Variants in ARMC2 observed in about 807,000 individuals in gnomAD.
ARMC2 encodes armadillo repeat-containing protein 2.
Under a neutral mutation model 90.3 loss-of-function variants are expected in ARMC2, and 67 were observed. That is an observed-to-expected ratio of 0.74 (90% CI 0.61 to 0.91). The LOEUF (loss-of-function observed/expected upper bound fraction) is 0.91. Among genes scored for constraint, ARMC2 ranks in the 40% least tolerant of loss-of-function variants. The probability of loss-of-function intolerance (pLI) is 0.00; values close to 1 mark genes in which losing one functional copy is unlikely to be tolerated. For missense variants in ARMC2, 920 were observed against 1,030.9 expected (o/e 0.89, Z 1.47); for synonymous variants, 393 against 393.0 (o/e 1.00, Z 0.00).
Position 108,973,395 on chromosome 6 carries a change from C to T in ARMC2, c.2485C>T (p.Leu829=). 6.2e-7 allele frequency: 1 copy of T among 1,613,448 alleles called. No individual in the cohort carries two copies. The highest frequency in any genetic ancestry group is 1.1e-5 in the South Asian group (1 of 91,036). Residue 829 remains leucine, a synonymous_variant, in exon 18 of 18, where the codon CTA becomes TTA. Transcript: ENST00000392644. Reference sequence around the variant, plus strand: ...ACTGGATGGCAGTTTTGATCCAGACCTAAAAAACTATCACAAACTCCATTG... The same window carrying T: ...ACTGGATGGCAGTTTTGATCCAGACTTAAAAAACTATCACAAACTCCATTG... ...LALDGSFDPD[L]KNYHKLHWET... is the part of the protein sequence containing the mutation.
At chr6:109,006,622 T>G in the ARMC2 span, among the ~76,000 whole-genome samples, 1 of 152,298 alleles carries the variant, frequency 6.6e-6, no homozygotes, top group Middle Eastern at 3.4e-3. Context: ...TATTATTCTT[T>G]TGAGCCTCTT....
the ARMC2 span, among the ~76,000 whole-genome samples, chr6:109,030,659 G>A: frequency 5.3e-5 from 8 of 152,262 alleles, no homozygotes; most frequent in East Asian, 1.5e-3. Flanking sequence ...TCTAAGGTCT[G>A]GAAAGGAACC....
At chr6:109,046,442 C>T in the ARMC2 span, among the ~76,000 whole-genome samples, 1 of 149,788 alleles carries the variant, frequency 6.7e-6, no homozygotes, top group African/African-American at 2.5e-5. Context: ...ACAACCTACA[C>T]CTCCCAGCCG....
chr6:108,855,674 C>G (rs916408788), intron 2 of ARMC2, among the ~76,000 whole-genome samples: 2 of 152,194 alleles, frequency 1.3e-5, no homozygotes, highest in African/African-American at 4.8e-5. Flanking sequence ...ATTTTGCCTT[C>G]CCACCAGCAA....
At chr6:108,996,144 A>C in the ARMC2 span, among the ~76,000 whole-genome samples, 1 of 152,234 alleles carries the variant, frequency 6.6e-6, no homozygotes, top group African/African-American at 2.4e-5. Context: ...CTAGCATAGT[A>C]CCTGGTACAT....
chr6:109,015,147 T>G, the ARMC2 span, among the ~76,000 whole-genome samples: 3 of 152,128 alleles, frequency 2.0e-5, no homozygotes, highest in African/African-American at 7.2e-5. Flanking sequence ...TTTTGAGGCT[T>G]AGGGGCCACA....
intron 12 of ARMC2, among the ~76,000 whole-genome samples, chr6:108,946,051 G>C (rs2128499363): frequency 6.6e-6 from 1 of 152,342 alleles, no homozygotes; most frequent in East Asian, 1.9e-4. Context: ...TTCAGCCTTG[G>C]CCTTGGTCTG....
At chr6:108,899,847 C>T in intron 7 of ARMC2, 55 bp downstream of exon 7, 1 of 1,345,574 alleles carries the variant, frequency 7.4e-7, no homozygotes, top group Non-Finnish European at 1.0e-6. Flanking sequence ...TTAAAAAATA[C>T]CTGTAGTTAT....
In ARMC2 at chr6:108,854,196, A is replaced by G. The variant is rs79306305; in HGVS notation, c.-43-29A>G. On this transcript the variant is annotated intron_variant, in intron 1 of 17. Transcript: ENST00000392644. ...TTTTATAAAGTCCTGGACAAAAATA[A>G]TGATGGTTTTTGTACCATGTATTTG... The G allele has an allele frequency of 2.5e-3, 3,013 of 1,214,890 alleles. 53 individuals carry two copies. The African/African-American group carries it at 0.041, about 17-fold the overall frequency. The allele number at this position is 1,214,890 out of a possible 1,614,324, so 75.3% of individuals were successfully genotyped here. A position where few individuals can be genotyped will look rare whatever the true frequency, so the allele number is the denominator to read the frequency against.
chr6:108,869,832 T>C (rs1219359401), intron 4 of ARMC2, among the ~76,000 whole-genome samples: 1 of 152,148 alleles, frequency 6.6e-6, no homozygotes, highest in Admixed American at 6.6e-5. Flanking sequence ...ATCCAGGGCA[T>C]ACTAAGGGTT....
intron 3 of ARMC2, among the ~76,000 whole-genome samples, chr6:108,867,888 C>T (rs988266222): frequency 6.6e-6 from 1 of 151,992 alleles, no homozygotes; most frequent in African/African-American, 2.4e-5. Context: ...GAGCCGAGAT[C>T]GCACCATTGC....
At chr6:108,966,658 T>G (rs1443895614) in intron 17 of ARMC2, among the ~76,000 whole-genome samples, 1 of 152,044 alleles carries the variant, frequency 6.6e-6, no homozygotes, top group Admixed American at 6.6e-5. Context: ...AGGTTCACAG[T>G]CGGCTCCATG....
chr6:108,936,775 T>C (rs1213498175), intron 11 of ARMC2, 125 bp from the exon 12 acceptor site: 1 of 774,360 alleles, frequency 1.3e-6, no homozygotes, highest in Non-Finnish European at 2.1e-6. Context: ...TGTAGAGTAT[T>C]TTTAGACTCC....
At chr6:108,910,788 T>TG in intron 8 of ARMC2, 111 bp from the exon 9 acceptor site, 1 of 480,960 alleles carries the variant, frequency 2.1e-6, no homozygotes. Flanking sequence ...TAGAACTTTT[T>TG]CATGTTTAAA....
intron 6 of ARMC2, among the ~76,000 whole-genome samples, chr6:108,896,698 C>T (rs564017509): frequency 1.9e-4 from 29 of 152,220 alleles, no homozygotes; most frequent in African/African-American, 6.7e-4. Flanking sequence ...CTGATTCACC[C>T]CTATAATTCA....
chr6:109,028,471 A>G, the ARMC2 span, among the ~76,000 whole-genome samples: 1 of 152,030 alleles, frequency 6.6e-6, no homozygotes, highest in African/African-American at 2.4e-5. Flanking sequence ...ATTTGCATGT[A>G]TGTATGTTAA....
the ARMC2 span, among the ~76,000 whole-genome samples, chr6:109,001,017 G>T: frequency 5.3e-5 from 8 of 152,108 alleles, no homozygotes; most frequent in Admixed American, 2.0e-4. Context: ...CACCACTTAT[G>T]TCAATGTGAA....
intron 17 of ARMC2, among the ~76,000 whole-genome samples, chr6:108,972,756 C>T (rs1254101820): frequency 2.0e-5 from 3 of 152,086 alleles, no homozygotes; most frequent in African/African-American, 7.2e-5. Context: ...CTCAATGTCC[C>T]GTGCTCAAGT....
chr6:108,886,897 T>G (rs560470032), intron 5 of ARMC2, among the ~76,000 whole-genome samples: 30 of 148,206 alleles, frequency 2.0e-4, no homozygotes, highest in African/African-American at 6.3e-4. Context: ...TTTTTTTGTT[T>G]GTTTGTTTTG....
Sources: gnomAD v4.1 joint callset for allele counts (sites outside exome capture counted in the v4.1 genomes callset) on GRCh38, gnomAD v4.1.1 for gene constraint, MANE v1.5 for transcripts, NCBI Gene and HGNC (gene_info 2026-07-23, HGNC 2026-07-21) for gene names.